Variants in ATM observed in about 807,000 individuals in gnomAD.
The protein encoded by ATM is serine-protein kinase ATM.
Under a neutral mutation model 387.0 loss-of-function variants are expected in ATM, and 308 were observed. That is an observed-to-expected ratio of 0.80 (90% CI 0.73 to 0.87). The LOEUF is 0.87. Among genes scored for constraint, ATM ranks in the 40% least tolerant of loss-of-function variants. ATM has a pLI of 0.00. For synonymous variants in ATM, 1,156 were observed against 1,187.3 expected (o/e 0.97, Z 0.54); for missense variants, 3,312 against 3,560.9 (o/e 0.93, Z 1.78).
chr11:108,247,533 G>A (rs1432740105), intron 8 of ATM, among the ~76,000 whole-genome samples: 3 of 152,126 alleles, frequency 2.0e-5, no homozygotes, highest in African/African-American at 7.2e-5. Context: ...GTACATTTCA[G>A]TGGTTTTTAG....
chr11:108,256,218 A>G lies in ATM; in HGVS notation c.2128A>G (p.Thr710Ala), dbSNP rs750506930. The G allele has an allele frequency of 1.2e-6, 2 of 1,603,762 alleles. No homozygotes were observed. The highest frequency in any genetic ancestry group is 1.3e-5 in the African/African-American group (1 of 74,790). The part of the protein sequence containing the change: ...QLLNNYSSEI[T>A]NSETLVRCSR... ...TTTATTTGTGGTTTACTTTAAGATT[A>G]CAAATTCAGAAACTCTTGTCCGGTG... is the stretch of plus-strand genomic sequence containing the variant. The change falls in exon 14 of 63, where the codon ACA becomes GCA. Residue 710 changes from threonine (T) to alanine (A), a missense_variant. Transcript: ENST00000675843.
Position 108,289,619 on chromosome 11 carries a change from T to C in ATM, c.4254T>C (p.Ile1418=). The change falls in exon 29 of 63, where the codon ATT becomes ATC. Residue 1418 remains isoleucine, a synonymous_variant. Coordinates refer to ENST00000675843, the MANE Select transcript of ATM (RefSeq NM_000051.4). ...TTTTCTAGGATTCCTATCAGAAAATTCTTCTTGCCATATGTGAGCAAGCAG... is the reference window on the plus strand; with the variant it reads ...TTTTCTAGGATTCCTATCAGAAAATCCTTCTTGCCATATGTGAGCAAGCAG... ...LSKSPDSYQK[I]LLAICEQAAE... 6.2e-7 allele frequency: 1 copy of C among 1,605,212 alleles called. No individual in the cohort carries two copies. The highest frequency in any genetic ancestry group is 8.5e-7 in the Non-Finnish European group (1 of 1,176,262).
intron 53 of ATM, 53 bp downstream of exon 53, chr11:108,332,953 A>C: frequency 6.3e-7 from 1 of 1,576,976 alleles, no homozygotes. Flanking sequence ...TACTCTCTGT[A>C]GAGATATATT....
rs1064795467 is a variant in ATM, at chr11:108,317,412, T to C, written c.6238T>C (p.Tyr2080His). 1 of 1,612,600 alleles carries C rather than the reference T, an allele frequency of 6.2e-7. No homozygotes were observed. Among genetic ancestry groups the C allele is most frequent in the Non-Finnish European group, 8.5e-7 (1 of 1,179,234 alleles). The change falls in exon 43 of 63, where the codon TAT becomes CAT. Residue 2080 changes from tyrosine (Y) to histidine (H), a missense_variant. Tyr to His is a moderately conservative substitution (Grantham distance 83, BLOSUM62 2). Transcript: ENST00000675843. ...NLGLCHILSV[Y>H]LKGLDYENKD... ...GGGACTCTGCCATATTCTTTCCGTC[T>C]ATTTAAAAGGATTGGATTATGAAAA... is the stretch of plus-strand genomic sequence containing the variant.
chr11:108,257,385 A>G (rs1255830613), intron 14 of ATM, 96 bp from the exon 15 acceptor site: 3 of 1,417,810 alleles, frequency 2.1e-6, no homozygotes, highest in East Asian at 4.8e-5. Context: ...TTTATTTTTT[A>G]TTTTATAGTA....
intron 16 of ATM, among the ~76,000 whole-genome samples, chr11:108,264,308 G>T (rs1213272594): frequency 6.6e-6 from 1 of 152,118 alleles, no homozygotes; most frequent in Non-Finnish European, 1.5e-5. Context: ...TCATCCCTGG[G>T]ATGCCAGGCT....
chr11:108,258,802 A>G (rs1007532733), intron 15 of ATM, among the ~76,000 whole-genome samples, 184 bp from the exon 16 acceptor site: 1 of 152,236 alleles, frequency 6.6e-6, no homozygotes, highest in African/African-American at 2.4e-5. Flanking sequence ...TTAAAGCACA[A>G]TGAAAGATGT....
At chr11:108,276,670 T>A (rs895266836) in intron 22 of ATM, among the ~76,000 whole-genome samples, 3 of 152,212 alleles carry the variant, frequency 2.0e-5, no homozygotes, top group African/African-American at 7.2e-5. Context: ...CAGACCCTGT[T>A]TGCCTGGGTA....
chr11:108,277,777 T>G (rs1004574018), intron 22 of ATM, among the ~76,000 whole-genome samples: 4 of 152,248 alleles, frequency 2.6e-5, no homozygotes, highest in Non-Finnish European at 4.4e-5. Flanking sequence ...AATCACCACC[T>G]TCTGCGTTGA....
chr11:108,230,668 G>C (rs1483690822), intron 4 of ATM: 1 of 151,958 alleles, frequency 6.6e-6, no homozygotes, highest in Admixed American at 6.6e-5. Context: ...CTACTTACAG[G>C]GAAGAGGCCA....
At position 108,329,193 on chromosome 11, in the gene ATM, A is replaced by C. The variant is rs1360453074; in HGVS notation, c.7262A>C (p.Lys2421Thr). 6.2e-7 allele frequency: 1 copy of C among 1,614,086 alleles called. No homozygotes were observed. The highest frequency in any genetic ancestry group is 8.5e-7 in the Non-Finnish European group (1 of 1,179,984). ...ENKQALLKRA[K>T]EEVGLLREHK... is the part of the protein sequence containing the mutation. ...AAGCAAGCTCTCCTGAAAAGAGCCA[A>C]AGAGGAAGTAGGTCTCCTTAGGGAA... The change falls in exon 49 of 63, where the codon AAA becomes ACA. Residue 2421 changes from lysine (K) to threonine (T), a missense_variant. Lys to Thr is a moderately conservative substitution (Grantham distance 78, BLOSUM62 -1). Around this residue, in one of 4 missense-constraint regions of ATM, gnomAD observed 1,405 missense variants for 1,604.4 expected, o/e 0.88. Coordinates refer to ENST00000675843, the MANE Select transcript of ATM (RefSeq NM_000051.4).
At chr11:108,244,208 C>A in intron 6 of ATM, 90 bp downstream of exon 6, 1 of 1,447,574 alleles carries the variant, frequency 6.9e-7, no homozygotes, top group East Asian at 2.3e-5. Context: ...AAAATTCTAC[C>A]TTAAAATAAA....
At chr11:108,230,524 G>A (rs937648919) in intron 4 of ATM, 2 of 152,308 alleles carry the variant, frequency 1.3e-5, no homozygotes, top group Admixed American at 6.5e-5. Flanking sequence ...ATGTTTGAAA[G>A]TAGCCACAAT....
rs748752687 is a variant in ATM, at chr11:108,272,575, G to T, written c.3121G>T (p.Ala1041Ser). 1 of 1,613,708 alleles carries T rather than the reference G, an allele frequency of 6.2e-7. No individual in the cohort carries two copies. Among genetic ancestry groups the T allele is most frequent in the Non-Finnish European group, 8.5e-7 (1 of 1,179,744 alleles). The change falls in exon 21 of 63, where the codon GCC becomes TCC. Residue 1041 changes from alanine to serine, a missense_variant. Physicochemically the swap from Ala to Ser is moderately conservative, Grantham distance 99 (BLOSUM62 1). Around this residue, in one of 4 missense-constraint regions of ATM, gnomAD observed 1,791 missense variants for 1,804.5 expected, o/e 0.99. Transcript: ENST00000675843. ...ERKYIFSVRM[A>S]LVNCLKTLLE... ...GAAATATATATTCTCTGTAAGAATG[G>T]CCCTAGTAAATTGCCTTAAAACTTT...
At position 108,284,418 on chromosome 11, in the gene ATM, A is replaced by G. The variant is rs1555093695; in HGVS notation, c.3938A>G (p.Glu1313Gly). 6.2e-7 allele frequency: 1 copy of G among 1,614,006 alleles called. No individual in the cohort carries two copies. Among genetic ancestry groups the G allele is most frequent in the Non-Finnish European group, 8.5e-7 (1 of 1,179,920 alleles). The change falls in exon 26 of 63, where the codon GAG becomes GGG. Residue 1313 changes from glutamate to glycine, a missense_variant. Coordinates refer to ENST00000675843, the MANE Select transcript of ATM (RefSeq NM_000051.4). Reference sequence around the variant, plus strand: ...GACAGTGGGATGGCACAGCAAAGAGAGACTGCTACCAAGGTCTATGATATG... The same window carrying G: ...GACAGTGGGATGGCACAGCAAAGAGGGACTGCTACCAAGGTCTATGATATG... Reference protein sequence around the residue: ...TRDSGMAQQRETATKVYDMLK... With the variant: ...TRDSGMAQQRGTATKVYDMLK...
intron 39 of ATM, among the ~76,000 whole-genome samples, chr11:108,310,954 A>G (rs1165780443): frequency 1.3e-5 from 2 of 152,156 alleles, no homozygotes; most frequent in South Asian, 2.1e-4. Context: ...TATTATCCCA[A>G]CTGCTCTTTT....
At chr11:108,275,105 T>G (rs1478768561) in intron 22 of ATM, among the ~76,000 whole-genome samples, 1 of 152,214 alleles carries the variant, frequency 6.6e-6, no homozygotes, top group Non-Finnish European at 1.5e-5. Context: ...GCATTGATCC[T>G]TATACCATCA....
At chr11:108,258,837 G>C in intron 15 of ATM, 149 bp from the exon 16 acceptor site, 1 of 662,716 alleles carries the variant, frequency 1.5e-6, no homozygotes, top group Non-Finnish European at 2.7e-6. Flanking sequence ...ATAACTCTAA[G>C]AAAAGATGTG....
At chr11:108,316,156 T>C (rs1403380644) in intron 42 of ATM, 43 bp downstream of exon 42, 6 of 1,535,426 alleles carry the variant, frequency 3.9e-6, no homozygotes, top group Non-Finnish European at 5.4e-6. Flanking sequence ...ACTAGTGTAG[T>C]GCTGAGGTTA....
Sources: allele counts gnomAD v4.1 joint callset (sites outside exome capture counted in the v4.1 genomes callset), GRCh38; gene constraint gnomAD v4.1.1; regional missense constraint gnomAD v4.1.1; transcripts MANE v1.5; gene names NCBI Gene and HGNC (gene_info 2026-07-23, HGNC 2026-07-21).